COL5A1: variants seen among roughly 807,000 people sequenced by gnomAD.
COL5A1 encodes collagen type V alpha 1 chain.
Under a neutral mutation model 263.7 loss-of-function variants are expected in COL5A1, and 16 were observed. The ratio of observed to expected loss-of-function variants is 0.06; its 90% CI spans 0.04 to 0.09. The LOEUF is 0.09. Ranked by LOEUF, COL5A1 falls within the 10% of genes least tolerant of loss-of-function variation. The pLI, the probability that COL5A1 is intolerant of heterozygous loss-of-function variation, is 1.00. For missense variants in COL5A1, 2,036 were observed against 2,540.5 expected, an observed-to-expected ratio of 0.80 and a Z score of 4.27; for synonymous variants, 1,012 against 1,004.5, an observed-to-expected ratio of 1.01 and a Z score of -0.14.
chr9:134,819,074 C>T, intron 57 of COL5A1, 21 bp downstream of exon 57: 1 of 1,612,596 alleles, frequency 6.2e-7, no homozygotes, highest in African/African-American at 1.3e-5. Flanking sequence ...CCTCCCTGCC[C>T]CAGCAACTGT....
chr9:134,644,059 A>G (rs1411552409), intron 1 of COL5A1, among the ~76,000 whole-genome samples: 4 of 152,116 alleles, frequency 2.6e-5, no homozygotes, highest in Non-Finnish European at 5.9e-5. Flanking sequence ...TTGTCAGAAC[A>G]GACTTTTAGA....
At chr9:134,828,897 C>T (rs1037653736) in intron 63 of COL5A1, among the ~76,000 whole-genome samples, 2 of 137,164 alleles carry the variant, frequency 1.5e-5, no homozygotes, top group Admixed American at 7.2e-5. Context: ...CACATTATAC[C>T]ACACACACAG....
Position 134,682,847 on chromosome 9 carries a change from C to T in COL5A1, c.110-8065C>T, listed in dbSNP as rs1292827793. ...ATCGCAAATGCCCAGCCTTTGGGAGCGGGGACTGCGGCCAGCACATCATCC... is the reference window on the plus strand; with the variant it reads ...ATCGCAAATGCCCAGCCTTTGGGAGTGGGGACTGCGGCCAGCACATCATCC... On this transcript the variant is annotated intron_variant, in intron 1 of 65. Transcript: ENST00000371817. The surrounding 1 kb of genome is among the most constrained non-coding windows in gnomAD (Gnocchi z 5.1). Among the ~76,000 whole-genome samples, 3 of 152,234 alleles carry T rather than the reference C, an allele frequency of 2.0e-5. No homozygotes were observed. The highest frequency in any genetic ancestry group is 2.1e-4 in the South Asian group (1 of 4,822).
intron 42 of COL5A1, among the ~76,000 whole-genome samples, chr9:134,808,643 T>C (rs1284126588): frequency 1.3e-5 from 2 of 152,256 alleles, no homozygotes; most frequent in Non-Finnish European, 2.9e-5. Context: ...TGTGCATGCA[T>C]GCATACCTGT....
chr9:134,654,834 T>C (rs1450088154), intron 1 of COL5A1, among the ~76,000 whole-genome samples: 1 of 112,944 alleles, frequency 8.9e-6, no homozygotes, highest in African/African-American at 3.5e-5. Flanking sequence ...GTGCTGGTGG[T>C]GTGTGGGGCT....
intron 65 of COL5A1, among the ~76,000 whole-genome samples, chr9:134,836,801 G>A (rs1216523911): frequency 5.3e-5 from 8 of 152,234 alleles, no homozygotes; most frequent in Non-Finnish European, 8.8e-5. Context: ...GGGCCATCCC[G>A]CGGCCAGGCC....
rs1831507951 is a variant in COL5A1, at chr9:134,647,372, TGTGTGC to T, written c.109+5082_109+5087del. Among the ~76,000 whole-genome samples, 1 of 151,508 alleles carries T rather than the reference TGTGTGC, an allele frequency of 6.6e-6. No homozygotes were observed. Among genetic ancestry groups the T allele is most frequent in the Non-Finnish European group, 1.5e-5 (1 of 67,992 alleles). On this transcript the variant is annotated intron_variant, in intron 1 of 65. Transcript: ENST00000371817. This position sits in a 1 kb window ranked among gnomAD's most constrained non-coding sequence, Gnocchi z 5.0. ...TGTGCGTTTGTGTGTATGTGTGTCATGTGTGCGTGTGTGTGTGTGTGTGTCAGGCCG... is the reference window on the plus strand; with the variant it reads ...TGTGCGTTTGTGTGTATGTGTGTCATGTGTGTGTGTGTGTGTGTCAGGCCG...
intron 50 of COL5A1, among the ~76,000 whole-genome samples, chr9:134,815,171 G>A (rs1055586446): frequency 6.6e-6 from 1 of 152,276 alleles, no homozygotes; most frequent in African/African-American, 2.4e-5. Context: ...ACGAGTGACA[G>A]CCAGGCTTTG....
At chr9:134,762,302 T>A (rs1836481731) in intron 19 of COL5A1, among the ~76,000 whole-genome samples, 1 of 152,130 alleles carries the variant, frequency 6.6e-6, no homozygotes, top group African/African-American at 2.4e-5. Flanking sequence ...GCCAGAGCGT[T>A]TACTGAGCTC....
intron 1 of COL5A1, among the ~76,000 whole-genome samples, chr9:134,650,596 A>G (rs1309634837): frequency 6.6e-6 from 1 of 152,210 alleles, no homozygotes; most frequent in Non-Finnish European, 1.5e-5. Flanking sequence ...AAGTGGGAGT[A>G]GGGTGTGGCC....
At chr9:134,786,981 C>CCCTGCT (rs2132778196) in intron 31 of COL5A1, among the ~76,000 whole-genome samples, 1 of 152,322 alleles carries the variant, frequency 6.6e-6, no homozygotes, top group South Asian at 2.1e-4. Context: ...ATGCGAAGCC[C>CCCTGCT]CCTGCTCCGT....
chr9:134,761,075 A>G (rs1167834678), intron 18 of COL5A1, among the ~76,000 whole-genome samples: 1 of 144,802 alleles, frequency 6.9e-6, no homozygotes, highest in Admixed American at 6.9e-5. Flanking sequence ...ATGCACACAC[A>G]TGCACACGTG....
At chr9:134,806,454 C>T (rs757840087) in intron 42 of COL5A1, among the ~76,000 whole-genome samples, 158 bp downstream of exon 42, 20 of 152,104 alleles carry the variant, frequency 1.3e-4, no homozygotes, top group Non-Finnish European at 2.6e-4. Flanking sequence ...GCGTGTGTCC[C>T]ATGGGAACCT....
rs774938713 is a variant in COL5A1 at position 134,825,861 on chromosome 9, C to A, written c.5024C>A (p.Ala1675Asp). 1.9e-6 allele frequency: 3 copies of A among 1,613,250 alleles called. No homozygotes were observed. The highest frequency in any genetic ancestry group is 1.7e-6 in the Non-Finnish European group (2 of 1,179,474). Residue 1675 changes from alanine (A) to aspartate (D), a missense_variant, in exon 63 of 66, where the codon GCC (alanine) becomes GAC (aspartate). By Grantham distance (126) the Ala-to-Asp change is moderately radical (BLOSUM62 -2). Transcript: ENST00000371817. Reference sequence around the variant, plus strand: ...TTCAAGGTTTACTGCAACTTCACAGCCGGGGGGTCGACATGCGTCTTCCCT... The same window carrying A: ...TTCAAGGTTTACTGCAACTTCACAGACGGGGGGTCGACATGCGTCTTCCCT... ...DSFKVYCNFT[A>D]GGSTCVFPDK... is the part of the protein sequence containing the mutation.
intron 2 of COL5A1, among the ~76,000 whole-genome samples, chr9:134,698,601 C>T (rs976254714): frequency 2.6e-5 from 4 of 152,220 alleles, no homozygotes; most frequent in African/African-American, 7.2e-5. Flanking sequence ...GGGCCTTCAG[C>T]GTCCCCTTCC....
Position 134,695,384 on chromosome 9 carries a change from A to G in COL5A1, c.277+4305A>G, listed in dbSNP as rs530998818. Among the ~76,000 whole-genome samples, 3 of 152,266 alleles carry G rather than the reference A, an allele frequency of 2.0e-5. No individual in the cohort carries two copies. The South Asian group carries it at 6.2e-4, about 32-fold the overall frequency. Reference sequence around the variant, plus strand: ...CTGCCCCCGCCAGTACCTTCCTGCCAGAGAGCAAGGGAGCAGCCAGTTGCG... The same window carrying G: ...CTGCCCCCGCCAGTACCTTCCTGCCGGAGAGCAAGGGAGCAGCCAGTTGCG... On this transcript the variant is annotated intron_variant, in intron 2 of 65. Transcript: ENST00000371817.
At chr9:134,739,655 T>C (rs1352707707) in intron 11 of COL5A1, among the ~76,000 whole-genome samples, 1 of 152,070 alleles carries the variant, frequency 6.6e-6, no homozygotes, top group Non-Finnish European at 1.5e-5. Flanking sequence ...TTGGGGAGTG[T>C]CTTGTGCAGT....
intron 28 of COL5A1, 61 bp from the exon 29 acceptor site, chr9:134,782,606 G>C: frequency 6.6e-7 from 1 of 1,511,616 alleles, no homozygotes; most frequent in Non-Finnish European, 9.2e-7. Flanking sequence ...AGCGGGGAAG[G>C]GACCGCCAGG....
chr9:134,786,357 C>T (rs535136500), intron 31 of COL5A1, among the ~76,000 whole-genome samples: 23 of 152,318 alleles, frequency 1.5e-4, no homozygotes, highest in Admixed American at 9.1e-4. Context: ...CTCTCAGCCT[C>T]CACCGTGTTC....
Sources: gnomAD v4.1 joint callset for allele counts (sites outside exome capture counted in the v4.1 genomes callset) on GRCh38, gnomAD v4.1.1 for gene constraint, Gnocchi (gnomAD v3.1) non-coding constraint, MANE v1.5 for transcripts, NCBI Gene and HGNC (gene_info 2026-07-23, HGNC 2026-07-21) for gene names.